Variants in ARHGAP18 observed in about 807,000 individuals in gnomAD.
The protein encoded by ARHGAP18 is rho GTPase-activating protein 18.
Under a neutral mutation model 86.2 loss-of-function variants are expected in ARHGAP18, and 67 were observed. The observed-to-expected ratio is 0.78, with a 90% CI of 0.64 to 0.95. The LOEUF (loss-of-function observed/expected upper bound fraction) is 0.95. Among genes scored for constraint, ARHGAP18 ranks in the 40% least tolerant of loss-of-function variants. ARHGAP18 has a pLI of 0.00. For missense variants in ARHGAP18, 691 were observed against 780.4 expected (o/e 0.89, Z 1.37); for synonymous variants, 283 against 280.4 (o/e 1.01, Z -0.09).
At chr6:129,686,723 T>A (rs1774429974) in intron 1 of ARHGAP18, among the ~76,000 whole-genome samples, 1 of 152,170 alleles carries the variant, frequency 6.6e-6, no homozygotes, top group South Asian at 2.1e-4. Flanking sequence ...TCCAGATTGA[T>A]ATATTTTTCA....
chr6:129,618,914 G>A (rs1789153430), intron 5 of ARHGAP18, 62 bp from the exon 6 acceptor site: 2 of 1,457,466 alleles, frequency 1.4e-6, no homozygotes, highest in Admixed American at 2.1e-5. Context: ...TGTAATGCAG[G>A]AAGGAAAAAC....
chr6:129,602,713 T>C (rs1163460409), intron 10 of ARHGAP18, among the ~76,000 whole-genome samples: 1 of 152,114 alleles, frequency 6.6e-6, no homozygotes, highest in Non-Finnish European at 1.5e-5. Flanking sequence ...AAAAGATTAA[T>C]TGAAGTTTGG....
intron 1 of ARHGAP18, among the ~76,000 whole-genome samples, chr6:129,645,639 A>G (rs543797364): frequency 2.0e-5 from 3 of 152,330 alleles, no homozygotes; most frequent in Admixed American, 1.3e-4. Context: ...TTTTACAAGT[A>G]TAATGACAGA....
intron 4 of ARHGAP18, among the ~76,000 whole-genome samples, chr6:129,630,953 G>A (rs1437272583): frequency 6.6e-6 from 1 of 152,132 alleles, no homozygotes; most frequent in African/African-American, 2.4e-5. Context: ...GATATTATTA[G>A]TATTCATCTG....
intron 10 of ARHGAP18, among the ~76,000 whole-genome samples, chr6:129,605,619 C>T (rs12525115): frequency 0.099 from 14,995 of 151,530 alleles, 934 homozygotes; most frequent in Middle Eastern, 0.18. Flanking sequence ...TTCCATTAAC[C>T]GACGAACCTC....
chr6:129,679,332 A>G (rs541845982), intron 1 of ARHGAP18, among the ~76,000 whole-genome samples: 10 of 152,242 alleles, frequency 6.6e-5, no homozygotes, highest in Admixed American at 3.9e-4. Context: ...TTATTTATCT[A>G]TCACCAACTT....
rs916265182 is a variant in ARHGAP18 at position 129,576,794 on chromosome 6, T to C, written c.*1719A>G. The C allele has an allele frequency of 2.0e-5, 3 of 152,118 alleles. No individual in the cohort carries two copies. Among genetic ancestry groups the C allele is most frequent in the African/African-American group, 7.2e-5 (3 of 41,444 alleles). 9.4% of individuals were successfully genotyped at this position (152,118 alleles called of 1,614,324 possible). A position where few individuals can be genotyped will look rare whatever the true frequency, so the allele number is the denominator to read the frequency against. ...GCACTTAATTTTTCTTTTATATTAT[T>C]AATTGTTTTCAACCCACTAATAAGT... is the stretch of plus-strand genomic sequence containing the variant. On this transcript the variant is annotated 3_prime_UTR_variant, in exon 15 of 15. Coordinates refer to ENST00000368149, the MANE Select transcript of ARHGAP18 (RefSeq NM_033515.3).
intron 12 of ARHGAP18, among the ~76,000 whole-genome samples, chr6:129,591,941 C>T (rs1235052672): frequency 1.3e-5 from 2 of 152,158 alleles, no homozygotes; most frequent in African/African-American, 2.4e-5. Flanking sequence ...AAAAGGAATT[C>T]GCTACTATCT....
At chr6:129,590,009 T>C (rs1562678912) in intron 12 of ARHGAP18, among the ~76,000 whole-genome samples, 1 of 152,186 alleles carries the variant, frequency 6.6e-6, no homozygotes, top group Non-Finnish European at 1.5e-5. Flanking sequence ...AGGAAAAAGA[T>C]GAAGGCCAGA....
At chr6:129,635,182 T>TTTG (rs1773307368) in intron 3 of ARHGAP18, among the ~76,000 whole-genome samples, 1 of 152,200 alleles carries the variant, frequency 6.6e-6, no homozygotes, top group Non-Finnish European at 1.5e-5. Flanking sequence ...ATTATTTTAA[T>TTTG]AATATTGATA....
intron 1 of ARHGAP18, among the ~76,000 whole-genome samples, chr6:129,645,174 C>T (rs1434425337): frequency 6.6e-6 from 1 of 152,122 alleles, no homozygotes; most frequent in African/African-American, 2.4e-5. Context: ...GTGAACATTC[C>T]TTCAGTTTAC....
intron 1 of ARHGAP18, among the ~76,000 whole-genome samples, chr6:129,653,656 T>G (rs193097266): frequency 6.6e-6 from 1 of 152,316 alleles, no homozygotes; most frequent in East Asian, 1.9e-4. Context: ...AGTGAGATTA[T>G]CTAAAGCCAC....
chr6:129,645,602 G>A (rs1413345424), intron 1 of ARHGAP18, among the ~76,000 whole-genome samples: 2 of 152,102 alleles, frequency 1.3e-5, no homozygotes, highest in Non-Finnish European at 2.9e-5. Flanking sequence ...CCATGGATAT[G>A]CTTCAGAAGC....
rs1236492086 is a variant in ARHGAP18 at position 129,577,652 on chromosome 6, A to G, written c.*861T>C. On this transcript the variant is annotated 3_prime_UTR_variant, in exon 15 of 15. Coordinates refer to ENST00000368149, the MANE Select transcript of ARHGAP18 (RefSeq NM_033515.3). ...CCATTACTGGATTATACTATCATGC[A>G]TATTTATAATGCTAATAATGACAAC... 2.0e-5 allele frequency: 3 copies of G among 152,212 alleles called. No homozygotes were observed. 9.4% of individuals were successfully genotyped at this position (152,212 alleles called of 1,614,324 possible).
chr6:129,688,549 T>C (rs566139101), intron 1 of ARHGAP18, among the ~76,000 whole-genome samples: 7 of 152,148 alleles, frequency 4.6e-5, no homozygotes, highest in Non-Finnish European at 1.0e-4. Flanking sequence ...TCCCAGCACT[T>C]TGGGAGGCCG....
In ARHGAP18 at chr6:129,600,661, T is replaced by C. The variant is rs1788718182; in HGVS notation, c.1553A>G (p.Tyr518Cys). Residue 518 changes from tyrosine (Y) to cysteine (C), a missense_variant, in exon 11 of 15, where the codon TAC becomes TGC. Physicochemically the swap from Tyr to Cys is radical, Grantham distance 194. Transcript: ENST00000368149. ...TANTMHLLIK[Y>C]QKLLWTIPKF... ...ACTTACTGTCCACAGAAGTTTTTGG[T>C]ACTTAATCAATAAGTGCATGGTATT... 7 of 1,613,454 alleles carry C rather than the reference T, an allele frequency of 4.3e-6. No individual in the cohort carries two copies. Among genetic ancestry groups the C allele is most frequent in the Non-Finnish European group, 5.9e-6 (7 of 1,179,612 alleles).
rs753243142 is a variant in ARHGAP18, at chr6:129,618,641, T to C, written c.952+46A>G. 5 of 1,529,176 alleles carry C rather than the reference T, an allele frequency of 3.3e-6. No homozygotes were observed. The African/African-American group carries it at 6.9e-5, about 21-fold the overall frequency. 94.7% of individuals were successfully genotyped at this position (1,529,176 alleles called of 1,614,324 possible). On this transcript the variant is annotated intron_variant, in intron 6 of 14. Transcript: ENST00000368149. Reference sequence around the variant, plus strand: ...TACTGCAAAAAAGCCAAGTCCATCCTTGCTATTTTAGAAATAAATCCAAGG... The same window carrying C: ...TACTGCAAAAAAGCCAAGTCCATCCCTGCTATTTTAGAAATAAATCCAAGG...
chr6:129,615,283 T>C (rs1340320026), intron 7 of ARHGAP18, among the ~76,000 whole-genome samples: 1 of 152,206 alleles, frequency 6.6e-6, no homozygotes, highest in Non-Finnish European at 1.5e-5. Context: ...ATGTTCTGCA[T>C]GCAGTGGCTA....
chr6:129,682,448 T>A (rs1460713102), intron 1 of ARHGAP18, among the ~76,000 whole-genome samples: 2 of 152,036 alleles, frequency 1.3e-5, no homozygotes, highest in East Asian at 3.8e-4. Context: ...GTCCTACAGA[T>A]CCAAGAGGAA....
Sources: allele counts gnomAD v4.1 joint callset (sites outside exome capture counted in the v4.1 genomes callset), GRCh38; gene constraint gnomAD v4.1.1; transcripts MANE v1.5; gene names NCBI Gene and HGNC (gene_info 2026-07-23, HGNC 2026-07-21).